ARL8A: variants seen among roughly 807,000 people sequenced by gnomAD.
ARL8A encodes the protein ADP-ribosylation factor-like protein 8A.
A neutral mutation model predicts 31.2 loss-of-function variants in ARL8A; 10 were observed. The ratio of observed to expected loss-of-function variants is 0.32; its 90% CI spans 0.20 to 0.54. ARL8A has a LOEUF of 0.54. Ranked by LOEUF, ARL8A falls within the 20% of genes least tolerant of loss-of-function variation. The pLI is 0.93. For synonymous variants in ARL8A, 70 were observed against 86.9 expected, an observed-to-expected ratio of 0.81 and a Z score of 1.08; for missense variants, 129 against 242.8, an observed-to-expected ratio of 0.53 and a Z score of 3.12.
intron 1 of ARL8A, among the ~76,000 whole-genome samples, chr1:202,139,364 G>A (rs889273712): frequency 2.6e-5 from 4 of 152,034 alleles, no homozygotes; most frequent in Non-Finnish European, 4.4e-5. Context: ...ACGAGGTCAG[G>A]AGTTTGAGAC....
chr1:202,138,991 C>G lies in ARL8A; in HGVS notation c.124-543G>C, dbSNP rs552111278. 3.3e-5 allele frequency among the ~76,000 whole-genome samples: 5 copies of G among 152,278 alleles called. No homozygotes were observed. Among genetic ancestry groups the G allele is most frequent in the South Asian group, 4.1e-4 (2 of 4,828 alleles). On this transcript the variant is annotated intron_variant, in intron 1 of 6. Coordinates refer to ENST00000272217, the MANE Select transcript of ARL8A (RefSeq NM_138795.4). The surrounding 1 kb of genome is among the most constrained non-coding windows in gnomAD (Gnocchi z 4.4). ...GTACTCCAGTTATTGGGAAGGATAA[C>G]CTACACTCTATATCGTCTGCTTATT...
rs1182638327 is a variant in ARL8A at position 202,135,244 on chromosome 1, C to T, written c.441-24G>A. 5 of 1,607,152 alleles carry T rather than the reference C, an allele frequency of 3.1e-6. No homozygotes were observed. The highest frequency in any genetic ancestry group is 3.3e-5 in the Admixed American group (2 of 59,994). On this transcript the variant is annotated intron_variant, in intron 5 of 6. Coordinates refer to ENST00000272217, the MANE Select transcript of ARL8A (RefSeq NM_138795.4). This position sits in a 1 kb window ranked among gnomAD's most constrained non-coding sequence, Gnocchi z 5.3. ...TCCTGGGGGAAACCAGAGTAGAGTC[C>T]GCTGAGGCTACGAACGTCCAGGGGG...
intron 3 of ARL8A, 68 bp downstream of exon 3, chr1:202,137,897 C>G: frequency 6.4e-7 from 1 of 1,554,412 alleles, no homozygotes; most frequent in South Asian, 1.1e-5. Flanking sequence ...CCTCTGAGGT[C>G]CTCGAAGGTA....
chr1:202,142,108 A>T (rs11583274), intron 1 of ARL8A, among the ~76,000 whole-genome samples: 79,563 of 151,660 alleles, frequency 0.52, 20,895 homozygotes, highest in Admixed American at 0.58. Flanking sequence ...CCTCAGGTGA[A>T]ACCCCCACTT....
rs112856357 is a variant in ARL8A, at chr1:202,144,216, C to G, written c.123+234G>C. On this transcript the variant is annotated intron_variant, in intron 1 of 6. Transcript: ENST00000272217. The surrounding 1 kb of genome is among the most constrained non-coding windows in gnomAD (Gnocchi z 5.2). The stretch of plus-strand genomic sequence containing the variant: ...GTCTGTTCGTCCCCCTTCCCCTGCC[C>G]CCAGCCGTGCAGTACCGGCCCGGGT... 1.3e-5 allele frequency among the ~76,000 whole-genome samples: 2 copies of G among 152,030 alleles called. No individual in the cohort carries two copies. Among genetic ancestry groups the G allele is most frequent in the African/African-American group, 2.4e-5 (1 of 41,416 alleles).
In ARL8A at chr1:202,138,220, G is replaced by C; in HGVS notation, c.204+148C>G. ...AGAAGTCTTCTACTGTCTTTTCCCAGCTCCTCAGCAGGGGGACCCTGGCCT... is the reference window on the plus strand; with the variant it reads ...AGAAGTCTTCTACTGTCTTTTCCCACCTCCTCAGCAGGGGGACCCTGGCCT... On this transcript the variant is annotated intron_variant, in intron 2 of 6. Coordinates refer to ENST00000272217, the MANE Select transcript of ARL8A (RefSeq NM_138795.4). This position sits in a 1 kb window ranked among gnomAD's most constrained non-coding sequence, Gnocchi z 4.4. 1 of 1,149,432 alleles carries C rather than the reference G, an allele frequency of 8.7e-7. No individual in the cohort carries two copies. The highest frequency in any genetic ancestry group is 1.3e-6 in the Non-Finnish European group (1 of 797,460). 71.2% of individuals were successfully genotyped at this position (1,149,432 alleles called of 1,614,324 possible). A position where few individuals can be genotyped will look rare whatever the true frequency, so the allele number is the denominator to read the frequency against.
chr1:202,141,131 C>T (rs746758076), intron 1 of ARL8A, among the ~76,000 whole-genome samples: 2 of 152,200 alleles, frequency 1.3e-5, no homozygotes, highest in Non-Finnish European at 2.9e-5. Flanking sequence ...CCAGGCTCCC[C>T]GGCACCAGTA....
At position 202,138,226 on chromosome 1, in the gene ARL8A, C is replaced by T. The variant is rs1440267222; in HGVS notation, c.204+142G>A. ...CTTCTACTGTCTTTTCCCAGCTCCT[C>T]AGCAGGGGGACCCTGGCCTCTGCCC... On this transcript the variant is annotated intron_variant, in intron 2 of 6. Coordinates refer to ENST00000272217, the MANE Select transcript of ARL8A (RefSeq NM_138795.4). This position sits in a 1 kb window ranked among gnomAD's most constrained non-coding sequence, Gnocchi z 4.4. 7 of 1,169,546 alleles carry T rather than the reference C, an allele frequency of 6.0e-6. No homozygotes were observed. The highest frequency in any genetic ancestry group is 8.6e-6 in the Non-Finnish European group (7 of 812,864). The allele number at this position is 1,169,546 out of a possible 1,614,324, so 72.4% of individuals were successfully genotyped here.
chr1:202,143,672 C>A (rs1655223305), intron 1 of ARL8A, among the ~76,000 whole-genome samples: 1 of 152,258 alleles, frequency 6.6e-6, no homozygotes, highest in South Asian at 2.1e-4. Context: ...TCACCCACTT[C>A]AGTGTTGACG....
Position 202,138,259 on chromosome 1 carries a change from G to T in ARL8A, c.204+109C>A. 1 of 1,320,294 alleles carries T rather than the reference G, an allele frequency of 7.6e-7. No individual in the cohort carries two copies. Among genetic ancestry groups the T allele is most frequent in the Non-Finnish European group, 1.1e-6 (1 of 934,340 alleles). 81.8% of individuals were successfully genotyped at this position (1,320,294 alleles called of 1,614,324 possible). ...GGACCCTGGCCTCTGCCCCACTTCA[G>T]CTCGCTCCTCCCAGGGGCCTCCGTT... On this transcript the variant is annotated intron_variant, in intron 2 of 6. Coordinates refer to ENST00000272217, the MANE Select transcript of ARL8A (RefSeq NM_138795.4). The surrounding 1 kb of genome is among the most constrained non-coding windows in gnomAD (Gnocchi z 4.4).
At position 202,144,203 on chromosome 1, in the gene ARL8A, C is replaced by T. The variant is rs1253816057; in HGVS notation, c.123+247G>A. 6.6e-6 allele frequency among the ~76,000 whole-genome samples: 1 copy of T among 152,094 alleles called. No homozygotes were observed. Among genetic ancestry groups the T allele is most frequent in the African/African-American group, 2.4e-5 (1 of 41,450 alleles). On this transcript the variant is annotated intron_variant, in intron 1 of 6. Transcript: ENST00000272217. This position sits in a 1 kb window ranked among gnomAD's most constrained non-coding sequence, Gnocchi z 5.2. Reference sequence around the variant, plus strand: ...TGGCACCGGCCCTGTCTGTTCGTCCCCCTTCCCCTGCCCCCAGCCGTGCAG... The same window carrying T: ...TGGCACCGGCCCTGTCTGTTCGTCCTCCTTCCCCTGCCCCCAGCCGTGCAG...
intron 1 of ARL8A, among the ~76,000 whole-genome samples, chr1:202,139,399 C>T (rs949238052): frequency 1.3e-5 from 2 of 151,952 alleles, no homozygotes; most frequent in African/African-American, 4.8e-5. Context: ...TGGTGAAACC[C>T]CATCTCTACT....
Position 202,144,371 on chromosome 1 carries a change from T to C in ARL8A, c.123+79A>G, listed in dbSNP as rs1045154626. ...GGCTATGCCAGGCGGCGACCCCGGC[T>C]CAGCAGGGCGCGGCGCGGGCGGGGA... On this transcript the variant is annotated intron_variant, in intron 1 of 6. Coordinates refer to ENST00000272217, the MANE Select transcript of ARL8A (RefSeq NM_138795.4). This position sits in a 1 kb window ranked among gnomAD's most constrained non-coding sequence, Gnocchi z 5.2. 10 of 974,250 alleles carry C rather than the reference T, an allele frequency of 1.0e-5. No individual in the cohort carries two copies. The highest frequency in any genetic ancestry group is 1.2e-5 in the Non-Finnish European group (10 of 811,960). 60.4% of individuals were successfully genotyped at this position (974,250 alleles called of 1,614,324 possible).
At position 202,134,559 on chromosome 1, in the gene ARL8A, T is replaced by C; in HGVS notation, c.512-43A>G. On this transcript the variant is annotated intron_variant, in intron 6 of 6. Transcript: ENST00000272217. This position sits in a 1 kb window ranked among gnomAD's most constrained non-coding sequence, Gnocchi z 4.2. ...AACAGCTTATAAGGCCTGCAAGTAC[T>C]GGCCGTGCTGGGGCAGCAGAGAGGC... is the stretch of plus-strand genomic sequence containing the variant. The C allele has an allele frequency of 6.4e-7, 1 of 1,566,294 alleles. No homozygotes were observed. The highest frequency in any genetic ancestry group is 8.8e-7 in the Non-Finnish European group (1 of 1,136,632).
rs936663340 is a variant in ARL8A at position 202,135,949 on chromosome 1, C to T, written c.279-149G>A. The T allele has an allele frequency of 7.1e-6, 5 of 704,774 alleles. No individual in the cohort carries two copies. Among genetic ancestry groups the T allele is most frequent in the Non-Finnish European group, 1.2e-5 (5 of 400,182 alleles). The allele number at this position is 704,774 out of a possible 1,614,324, so 43.7% of individuals were successfully genotyped here. A position where few individuals can be genotyped will look rare whatever the true frequency, so the allele number is the denominator to read the frequency against. ...ATGGGCTACCTGGCCTGGCTCAAGG[C>T]AGGTGCTCCGCGGATGTTTTCTGAG... On this transcript the variant is annotated intron_variant, in intron 3 of 6. Coordinates refer to ENST00000272217, the MANE Select transcript of ARL8A (RefSeq NM_138795.4). This position sits in a 1 kb window ranked among gnomAD's most constrained non-coding sequence, Gnocchi z 5.3.
At chr1:202,136,115 T>C (rs926432817) in intron 3 of ARL8A, among the ~76,000 whole-genome samples, 4 of 152,190 alleles carry the variant, frequency 2.6e-5, no homozygotes, top group East Asian at 3.8e-4. Context: ...GACCCACTTA[T>C]GTTTTCATGG....
chr1:202,135,889 A>G lies in ARL8A; in HGVS notation c.279-89T>C. 5 of 1,258,392 alleles carry G rather than the reference A, an allele frequency of 4.0e-6. No individual in the cohort carries two copies. 78.0% of individuals were successfully genotyped at this position (1,258,392 alleles called of 1,614,324 possible). A position where few individuals can be genotyped will look rare whatever the true frequency, so the allele number is the denominator to read the frequency against. On this transcript the variant is annotated intron_variant, in intron 3 of 6. Transcript: ENST00000272217. The surrounding 1 kb of genome is among the most constrained non-coding windows in gnomAD (Gnocchi z 5.3). Reference sequence around the variant, plus strand: ...GAGAAGGAGCTGCTGCTTGGAGGTGAAAGCATCTGTTGCAGCTTGGTCACC... The same window carrying G: ...GAGAAGGAGCTGCTGCTTGGAGGTGGAAGCATCTGTTGCAGCTTGGTCACC...
rs886563677 is a variant in ARL8A at position 202,134,638 on chromosome 1, C to T, written c.512-122G>A. 2.5e-5 allele frequency: 22 copies of T among 881,060 alleles called. No homozygotes were observed. The highest frequency in any genetic ancestry group is 3.7e-5 in the Admixed American group (2 of 54,696). The allele number at this position is 881,060 out of a possible 1,614,324, so 54.6% of individuals were successfully genotyped here. On this transcript the variant is annotated intron_variant, in intron 6 of 6. Transcript: ENST00000272217. The surrounding 1 kb of genome is among the most constrained non-coding windows in gnomAD (Gnocchi z 4.2). ...AGTCCAGAGATGCCAGGAGGGGTGG[C>T]GCACACCTGGAGTCTCAGCTACATG...
In ARL8A at chr1:202,138,879, T is replaced by A. The variant is rs1427083541; in HGVS notation, c.124-431A>T. On this transcript the variant is annotated intron_variant, in intron 1 of 6. Transcript: ENST00000272217. This position sits in a 1 kb window ranked among gnomAD's most constrained non-coding sequence, Gnocchi z 4.4. Reference sequence around the variant, plus strand: ...AATTTTCAAACTAAAAAATCAAACTTTTTAGGGCAGAGTATATTGGTCATC... The same window carrying A: ...AATTTTCAAACTAAAAAATCAAACTATTTAGGGCAGAGTATATTGGTCATC... 6.6e-6 allele frequency among the ~76,000 whole-genome samples: 1 copy of A among 152,096 alleles called. No individual in the cohort carries two copies. The highest frequency in any genetic ancestry group is 1.5e-5 in the Non-Finnish European group (1 of 68,010).
Sources: gnomAD v4.1 joint callset for allele counts (sites outside exome capture counted in the v4.1 genomes callset) on GRCh38, gnomAD v4.1.1 for gene constraint, Gnocchi (gnomAD v3.1) non-coding constraint, MANE v1.5 for transcripts, NCBI Gene and HGNC (gene_info 2026-07-23, HGNC 2026-07-21) for gene names.